The following DIP2C variants were observed in gnomAD, a reference collection of about 807,000 sequenced individuals.
DIP2C encodes the protein disco-interacting protein 2 homolog C.
DIP2C carries 33 observed loss-of-function variants against 192.4 expected under a neutral mutation model. That is an observed-to-expected ratio of 0.17 (90% CI 0.13 to 0.23). The LOEUF is 0.23. DIP2C is among the 10% of genes least tolerant of loss of function. The pLI, the probability that DIP2C is intolerant of heterozygous loss-of-function variation, is 1.00. For synonymous variants in DIP2C, 979 were observed against 864.1 expected, an observed-to-expected ratio of 1.13 and a Z score of -2.33; for missense variants, 1,537 against 2,110.1, an observed-to-expected ratio of 0.73 and a Z score of 5.32.
chr10:567,544 T>A (rs1849526578), intron 1 of DIP2C, among the ~76,000 whole-genome samples: 1 of 152,166 alleles, frequency 6.6e-6, no homozygotes, highest in Non-Finnish European at 1.5e-5. Context: ...ATTCTCTTAA[T>A]CAGAAAAGAC....
At chr10:533,349 A>C (rs1036767981) in intron 1 of DIP2C, among the ~76,000 whole-genome samples, 4 of 152,202 alleles carry the variant, frequency 2.6e-5, no homozygotes, top group African/African-American at 9.7e-5. Flanking sequence ...CAGATTCCAC[A>C]GGCAGGTGCT....
In DIP2C at chr10:277,184, T is replaced by G; in HGVS notation, c.*141A>C. 1 of 1,311,786 alleles carries G rather than the reference T, an allele frequency of 7.6e-7. No homozygotes were observed. Among genetic ancestry groups the G allele is most frequent in the East Asian group, 2.4e-5 (1 of 42,116 alleles). 81.3% of individuals were successfully genotyped at this position (1,311,786 alleles called of 1,614,324 possible). A position where few individuals can be genotyped will look rare whatever the true frequency, so the allele number is the denominator to read the frequency against. ...CAATCGTGGCTGCTGTGAGAAGTCC[T>G]CTTCCTCCTCCTCTTCCTCCTCCAC... On this transcript the variant is annotated 3_prime_UTR_variant, in exon 37 of 37. Transcript: ENST00000280886.
Position 377,580 on chromosome 10 carries a change from A to G in DIP2C, c.1991+5067T>C, listed in dbSNP as rs139667773. Among the ~76,000 whole-genome samples, 86 of 152,288 alleles carry G rather than the reference A, an allele frequency of 5.6e-4. 1 individual carries two copies. In the East Asian group the frequency reaches 0.016, roughly 28 times the overall value. On this transcript the variant is annotated intron_variant, in intron 17 of 36. Coordinates refer to ENST00000280886, the MANE Select transcript of DIP2C (RefSeq NM_014974.3). ...CACAGTTTATCTTGCGTTCTCTTACATGCGGGATTATGGAACTCTGGGTCT... is the reference window on the plus strand; with the variant it reads ...CACAGTTTATCTTGCGTTCTCTTACGTGCGGGATTATGGAACTCTGGGTCT...
At chr10:357,806 G>C (rs117671740) in intron 23 of DIP2C, 22 bp downstream of exon 23, 1 of 1,585,492 alleles carries the variant, frequency 6.3e-7, no homozygotes, top group Non-Finnish European at 8.6e-7. Flanking sequence ...CGGTCGGGGA[G>C]ACTCAGGGAC....
intron 29 of DIP2C, among the ~76,000 whole-genome samples, chr10:333,370 C>T (rs1038056441): frequency 2.0e-5 from 3 of 152,232 alleles, no homozygotes; most frequent in African/African-American, 7.2e-5. Flanking sequence ...CATCTGCAGT[C>T]AGTCCCATTT....
chr10:522,275 T>C (rs1846761404), intron 1 of DIP2C, among the ~76,000 whole-genome samples: 1 of 152,232 alleles, frequency 6.6e-6, no homozygotes, highest in African/African-American at 2.4e-5. Context: ...TTCTTTTTAG[T>C]GTTGAATAAT....
intron 4 of DIP2C, among the ~76,000 whole-genome samples, chr10:424,600 G>A (rs1054530955): frequency 2.0e-5 from 3 of 151,988 alleles, no homozygotes; most frequent in African/African-American, 4.8e-5. Flanking sequence ...TCCTGACCTC[G>A]TGATTTACCT....
intron 3 of DIP2C, among the ~76,000 whole-genome samples, chr10:450,107 G>A (rs879467553): frequency 6.6e-6 from 1 of 152,148 alleles, no homozygotes; most frequent in Non-Finnish European, 1.5e-5. Context: ...AAAGCTTCAC[G>A]TCCACTCCAT....
intron 1 of DIP2C, among the ~76,000 whole-genome samples, chr10:613,854 C>T (rs1439700264): frequency 2.0e-5 from 3 of 152,102 alleles, no homozygotes; most frequent in Non-Finnish European, 4.4e-5. Flanking sequence ...TTTGGTTCCC[C>T]GGCCACCCTC....
At position 365,852 on chromosome 10, in the gene DIP2C, G is replaced by A. The variant is rs367937517; in HGVS notation, c.2268+423C>T. ...TACCTGGCCACATCTAGCCCAGGCC[G>A]AGGAGCCGTAAAGGGGCTCTAGTTG... is the stretch of plus-strand genomic sequence containing the variant. On this transcript the variant is annotated intron_variant, in intron 19 of 36. Transcript: ENST00000280886. Among the ~76,000 whole-genome samples, 374 of 152,256 alleles carry A rather than the reference G, an allele frequency of 2.5e-3. 1 individual carries two copies. Among genetic ancestry groups the A allele is most frequent in the South Asian group, 8.5e-3 (41 of 4,828 alleles).
chr10:683,264 C>T (rs1831195257), intron 1 of DIP2C, among the ~76,000 whole-genome samples: 1 of 152,212 alleles, frequency 6.6e-6, no homozygotes, highest in South Asian at 2.1e-4. Context: ...GTGCAGGCTC[C>T]GAAGAGGCGG....
intron 29 of DIP2C, among the ~76,000 whole-genome samples, chr10:331,380 C>T (rs1957502043): frequency 6.6e-6 from 1 of 152,166 alleles, no homozygotes; most frequent in African/African-American, 2.4e-5. Context: ...CATTTCTTTC[C>T]TCATTCTTAT....
chr10:593,455 G>A (rs989227921), intron 1 of DIP2C, among the ~76,000 whole-genome samples: 5 of 148,446 alleles, frequency 3.4e-5, no homozygotes, highest in Non-Finnish European at 5.9e-5. Context: ...ACCCGGGTCT[G>A]TGCATGCCGC....
Position 577,867 on chromosome 10 carries a change from T to A in DIP2C, c.86-91337A>T, listed in dbSNP as rs75721004. Reference sequence around the variant, plus strand: ...CAAAAGAAGAAAGAACTTAAGAACCTTTTGGAAAGTTGGGAGCAATTTCTA... The same window carrying A: ...CAAAAGAAGAAAGAACTTAAGAACCATTTGGAAAGTTGGGAGCAATTTCTA... On this transcript the variant is annotated intron_variant, in intron 1 of 36. Coordinates refer to ENST00000280886, the MANE Select transcript of DIP2C (RefSeq NM_014974.3). Among the ~76,000 whole-genome samples the A allele has an allele frequency of 7.2e-4, 110 of 152,042 alleles. 4 individuals are homozygous for A. In the East Asian group the frequency reaches 0.02, roughly 27 times the overall value.
At chr10:542,837 C>A (rs986424865) in intron 1 of DIP2C, among the ~76,000 whole-genome samples, 8 of 147,268 alleles carry the variant, frequency 5.4e-5, no homozygotes, top group Admixed American at 2.0e-4. Flanking sequence ...CTGACCCTCC[C>A]CCCTTCTCTA....
At chr10:593,129 C>CA (rs1851497989) in intron 1 of DIP2C, among the ~76,000 whole-genome samples, 1 of 152,134 alleles carries the variant, frequency 6.6e-6, no homozygotes, top group African/African-American at 2.4e-5. Context: ...GCAGTCCCCA[C>CA]ACCTTTGAGG....
chr10:552,542 G>A (rs2130952058), intron 1 of DIP2C, among the ~76,000 whole-genome samples: 2 of 152,316 alleles, frequency 1.3e-5, no homozygotes, highest in East Asian at 3.9e-4. Context: ...TTCCTCAAAT[G>A]TAGCTTTCAA....
intron 1 of DIP2C, among the ~76,000 whole-genome samples, chr10:601,169 A>G (rs1588566447): frequency 6.6e-6 from 1 of 152,214 alleles, no homozygotes; most frequent in East Asian, 1.9e-4. Context: ...ACCCAACTGT[A>G]GAGGTTTTAA....
intron 26 of DIP2C, among the ~76,000 whole-genome samples, chr10:345,563 ACC>A (rs1197488099): frequency 1.3e-5 from 1 of 75,602 alleles, no homozygotes. Flanking sequence ...AACCCCCCAC[ACC>A]CCCAACCCAG....
Sources: gnomAD v4.1 joint callset for allele counts (sites outside exome capture counted in the v4.1 genomes callset) on GRCh38, gnomAD v4.1.1 for gene constraint, MANE v1.5 for transcripts, NCBI Gene and HGNC (gene_info 2026-07-23, HGNC 2026-07-21) for gene names.